FNDC3B: variants seen among roughly 807,000 people sequenced by gnomAD.
FNDC3B encodes the protein fibronectin type III domain containing 3B.
Under a neutral mutation model 151.5 loss-of-function variants are expected in FNDC3B, and 12 were observed. That is an observed-to-expected ratio of 0.08 (90% confidence interval 0.05 to 0.13). FNDC3B has a LOEUF of 0.13. FNDC3B is among the 10% of genes least tolerant of loss of function. The pLI is 1.00. For synonymous variants in FNDC3B, 528 were observed against 549.0 expected (o/e 0.96, Z 0.54); for missense variants, 1,214 against 1,505.3 (o/e 0.81, Z 3.20).
At chr3:172,372,559 A>G (rs1368304040) in intron 23 of FNDC3B, among the ~76,000 whole-genome samples, 3 of 152,170 alleles carry the variant, frequency 2.0e-5, no homozygotes, top group African/African-American at 7.2e-5. Context: ...TTGGCCACCA[A>G]ATTAGATGAG....
Position 172,226,746 on chromosome 3 carries a change from A to G in FNDC3B, c.188-125A>G, listed in dbSNP as rs902728298. ...GTTTAGCTTTAAGGCAATATATACCAACTTTTGAAGAGCAAATTGTCAAAG... is the reference window on the plus strand; with the variant it reads ...GTTTAGCTTTAAGGCAATATATACCGACTTTTGAAGAGCAAATTGTCAAAG... On this transcript the variant is annotated intron_variant, in intron 3 of 25. Coordinates refer to ENST00000415807, the MANE Select transcript of FNDC3B (RefSeq NM_022763.4). 1.1e-5 allele frequency: 7 copies of G among 619,746 alleles called. No homozygotes were observed. In the African/African-American group the frequency reaches 1.3e-4, roughly 11 times the overall value. 38.4% of individuals were successfully genotyped at this position (619,746 alleles called of 1,614,324 possible).
intron 2 of FNDC3B, among the ~76,000 whole-genome samples, 155 bp from the exon 3 acceptor site, chr3:172,133,316 C>T (rs1028568768): frequency 2.6e-5 from 4 of 152,174 alleles, no homozygotes; most frequent in Admixed American, 6.5e-5. Flanking sequence ...TCCTCCTACC[C>T]CCATGCCCCC....
intron 6 of FNDC3B, among the ~76,000 whole-genome samples, chr3:172,255,018 G>C (rs1004280230): frequency 2.6e-5 from 4 of 151,938 alleles, no homozygotes; most frequent in African/African-American, 9.7e-5. Context: ...GAATATTCTT[G>C]TCTCTCTCAT....
chr3:172,336,248 A>G (rs2108297219), intron 15 of FNDC3B, among the ~76,000 whole-genome samples: 1 of 152,370 alleles, frequency 6.6e-6, no homozygotes, highest in South Asian at 2.1e-4. Context: ...CTAAGAATAT[A>G]GAAGTGGCAG....
At chr3:172,136,934 A>G (rs1721401631) in intron 3 of FNDC3B, among the ~76,000 whole-genome samples, 1 of 152,114 alleles carries the variant, frequency 6.6e-6, no homozygotes. Flanking sequence ...GTTAACCAGG[A>G]TGGTCTCGAT....
intron 3 of FNDC3B, among the ~76,000 whole-genome samples, chr3:172,174,902 C>G (rs905499053): frequency 7.6e-6 from 1 of 131,616 alleles, no homozygotes; most frequent in African/African-American, 2.8e-5. Context: ...ATTGCTGATT[C>G]TCTGTGGACT....
intron 3 of FNDC3B, among the ~76,000 whole-genome samples, chr3:172,213,476 G>T (rs1387265096): frequency 1.3e-5 from 2 of 152,214 alleles, no homozygotes; most frequent in Non-Finnish European, 2.9e-5. Flanking sequence ...TCACAGTTTT[G>T]TCTGAGTAGG....
At chr3:172,205,334 T>C (rs535535367) in intron 3 of FNDC3B, among the ~76,000 whole-genome samples, 79 of 152,130 alleles carry the variant, frequency 5.2e-4, no homozygotes, top group Non-Finnish European at 9.0e-4. Flanking sequence ...ATGGCTGCCA[T>C]TGATGTAATA....
chr3:172,048,221 G>A (rs1389296525), intron 1 of FNDC3B, among the ~76,000 whole-genome samples: 1 of 152,064 alleles, frequency 6.6e-6, no homozygotes, highest in Non-Finnish European at 1.5e-5. Context: ...TGTACATATA[G>A]GATACTTAAT....
intron 6 of FNDC3B, among the ~76,000 whole-genome samples, chr3:172,256,406 G>T (rs1236632243): frequency 6.6e-6 from 1 of 152,188 alleles, no homozygotes; most frequent in Non-Finnish European, 1.5e-5. Flanking sequence ...AACAGTGCTT[G>T]GGCATCCAGT....
chr3:172,087,978 T>G (rs1210205780), intron 1 of FNDC3B, among the ~76,000 whole-genome samples: 1 of 152,234 alleles, frequency 6.6e-6, no homozygotes, highest in Non-Finnish European at 1.5e-5. Context: ...TTGGTTCATG[T>G]ATCTTGAAGC....
intron 22 of FNDC3B, among the ~76,000 whole-genome samples, chr3:172,359,783 T>C (rs1440455835): frequency 6.6e-6 from 1 of 152,228 alleles, no homozygotes; most frequent in East Asian, 1.9e-4. Flanking sequence ...GAGAGACTTA[T>C]ATTGCTTTAT....
intron 2 of FNDC3B, among the ~76,000 whole-genome samples, chr3:172,114,745 C>A (rs57552558): frequency 6.6e-6 from 1 of 151,912 alleles, no homozygotes; most frequent in Non-Finnish European, 1.5e-5. Context: ...AACAAAAACC[C>A]GCATTTTTAT....
intron 3 of FNDC3B, chr3:172,187,393 G>A (rs941091707): frequency 3.9e-5 from 6 of 152,094 alleles, no homozygotes; most frequent in African/African-American, 1.4e-4. Flanking sequence ...TTGCCAGTAG[G>A]GGTGTCGTGA....
chr3:172,340,424 T>G (rs934674913), intron 16 of FNDC3B, among the ~76,000 whole-genome samples: 2 of 152,056 alleles, frequency 1.3e-5, no homozygotes, highest in African/African-American at 4.8e-5. Context: ...TAGCTGTGAT[T>G]ACAGGTGCCC....
At chr3:172,077,263 A>G (rs1718058001) in intron 1 of FNDC3B, among the ~76,000 whole-genome samples, 1 of 152,224 alleles carries the variant, frequency 6.6e-6, no homozygotes, top group Non-Finnish European at 1.5e-5. Flanking sequence ...TTTAGAAACT[A>G]GTCTGATTTT....
At chr3:172,119,586 A>G (rs1199783729) in intron 2 of FNDC3B, among the ~76,000 whole-genome samples, 2 of 152,180 alleles carry the variant, frequency 1.3e-5, no homozygotes, top group African/African-American at 4.8e-5. Flanking sequence ...TGAAGGCTAG[A>G]ACTATCCAGA....
At chr3:172,246,389 TTC>T (rs1727777371) in intron 4 of FNDC3B, among the ~76,000 whole-genome samples, 1 of 152,204 alleles carries the variant, frequency 6.6e-6, no homozygotes, top group South Asian at 2.1e-4. Flanking sequence ...CCTGAAGCCT[TTC>T]CTGATTCTCC....
intron 4 of FNDC3B, among the ~76,000 whole-genome samples, chr3:172,244,480 A>C (rs1416976326): frequency 1.3e-5 from 2 of 151,992 alleles, no homozygotes; most frequent in African/African-American, 4.8e-5. Flanking sequence ...TTTGGGGGAG[A>C]CTTAGGCATA....
Sources: gnomAD v4.1 joint callset for allele counts (sites outside exome capture counted in the v4.1 genomes callset) on GRCh38, gnomAD v4.1.1 for gene constraint, MANE v1.5 for transcripts, NCBI Gene and HGNC (gene_info 2026-07-23, HGNC 2026-07-21) for gene names.